Variants in CDH13 observed in about 807,000 individuals in gnomAD.
The protein encoded by CDH13 is cadherin-13.
Under a neutral mutation model 63.8 loss-of-function variants are expected in CDH13, and 24 were observed. The observed-to-expected ratio is 0.38, with a 90% CI of 0.27 to 0.53. The LOEUF (loss-of-function observed/expected upper bound fraction) is 0.53. Ranked by LOEUF, CDH13 falls within the 20% of genes least tolerant of loss-of-function variation. The pLI, the probability that CDH13 is intolerant of heterozygous loss-of-function variation, is 0.85. For missense variants in CDH13, 1,049 were observed against 903.1 expected (o/e 1.16, Z -2.07); for synonymous variants, 503 against 355.3 (o/e 1.42, Z -4.67).
intron 2 of CDH13, among the ~76,000 whole-genome samples, chr16:82,917,394 TAGAC>T (rs1006278679): frequency 7.2e-5 from 11 of 152,006 alleles, no homozygotes; most frequent in Non-Finnish European, 1.6e-4. Flanking sequence ...GATAAGTTAA[TAGAC>T]AGGGCAGAAA....
intron 10 of CDH13, chr16:83,739,840 G>A (rs903945891): frequency 1.3e-5 from 2 of 152,226 alleles, no homozygotes; most frequent in African/African-American, 2.4e-5. Flanking sequence ...CCCACTCAGT[G>A]TGTGCGGGCC....
intron 6 of CDH13, among the ~76,000 whole-genome samples, chr16:83,348,026 C>T (rs1056682061): frequency 7.2e-5 from 11 of 151,812 alleles, no homozygotes; most frequent in East Asian, 1.9e-4. Flanking sequence ...CCCATTGCTA[C>T]GAAAAAAACA....
At chr16:83,678,552 C>G in intron 10 of CDH13, 91 bp downstream of exon 10, 1 of 1,462,196 alleles carries the variant, frequency 6.8e-7, no homozygotes, top group Non-Finnish European at 9.4e-7. Context: ...GGAGCAGACA[C>G]CATTAAATTA....
chr16:82,779,401 G>A (rs563475911), intron 1 of CDH13, among the ~76,000 whole-genome samples: 1 of 152,258 alleles, frequency 6.6e-6, no homozygotes, highest in Non-Finnish European at 1.5e-5. Context: ...AGGTCCAAGC[G>A]TCCACTTAAA....
chr16:83,449,991 C>G (rs1264169008), intron 6 of CDH13, among the ~76,000 whole-genome samples: 1 of 152,198 alleles, frequency 6.6e-6, no homozygotes, highest in Non-Finnish European at 1.5e-5. Flanking sequence ...GCTAGCAGGG[C>G]AGAGGCAGAT....
intron 4 of CDH13, among the ~76,000 whole-genome samples, chr16:83,129,531 G>C (rs930679204): frequency 6.6e-6 from 1 of 152,136 alleles, no homozygotes; most frequent in African/African-American, 2.4e-5. Flanking sequence ...GTAATGTCAG[G>C]GGCTAACTTT....
At chr16:82,757,677 C>G (rs575255095) in intron 1 of CDH13, among the ~76,000 whole-genome samples, 53 of 103,938 alleles carry the variant, frequency 5.1e-4, no homozygotes, top group African/African-American at 1.4e-3. Flanking sequence ...CAGAGTCTCT[C>G]TCTGTCTCCA....
At chr16:82,996,242 A>G (rs1299517665) in intron 2 of CDH13, among the ~76,000 whole-genome samples, 1 of 152,158 alleles carries the variant, frequency 6.6e-6, no homozygotes, top group East Asian at 1.9e-4. Flanking sequence ...TCAGTTGAGA[A>G]GTAATGAAAA....
At chr16:83,246,028 C>T (rs554634582) in intron 5 of CDH13, among the ~76,000 whole-genome samples, 16 of 152,312 alleles carry the variant, frequency 1.1e-4, no homozygotes, top group Non-Finnish European at 1.6e-4. Context: ...TGAACCACTG[C>T]GCCTGGCCCA....
intron 2 of CDH13, among the ~76,000 whole-genome samples, chr16:82,961,872 A>T (rs1907067708): frequency 6.6e-6 from 1 of 152,170 alleles, no homozygotes. Context: ...GAGGTCAGTG[A>T]TGCTTTTTAA....
intron 2 of CDH13, among the ~76,000 whole-genome samples, chr16:83,020,421 G>A (rs942037841): frequency 1.3e-5 from 2 of 152,088 alleles, no homozygotes; most frequent in African/African-American, 4.8e-5. Context: ...TCCATCTCCA[G>A]GATCCCCAAA....
chr16:82,961,185 G>T (rs1030067825), intron 2 of CDH13, among the ~76,000 whole-genome samples: 1 of 152,134 alleles, frequency 6.6e-6, no homozygotes, highest in Non-Finnish European at 1.5e-5. Flanking sequence ...TCCCGACAAG[G>T]ACACTGAGGC....
intron 1 of CDH13, among the ~76,000 whole-genome samples, chr16:82,670,713 C>G (rs756110488): frequency 6.6e-6 from 1 of 152,170 alleles, no homozygotes; most frequent in African/African-American, 2.4e-5. Context: ...TAGACACATC[C>G]ATGGATTTCC....
intron 1 of CDH13, among the ~76,000 whole-genome samples, chr16:82,695,923 G>A (rs1285413017): frequency 6.6e-6 from 1 of 152,210 alleles, no homozygotes; most frequent in East Asian, 1.9e-4. Context: ...GCAGATAAAT[G>A]TCTCAAATCT....
intron 1 of CDH13, among the ~76,000 whole-genome samples, chr16:82,849,985 T>G (rs956123233): frequency 9.9e-5 from 15 of 152,228 alleles, no homozygotes; most frequent in Non-Finnish European, 5.9e-5. Context: ...TCCAAAAGTT[T>G]TAATGGAGGT....
At chr16:83,023,759 C>G (rs1440607357) in intron 2 of CDH13, among the ~76,000 whole-genome samples, 1 of 152,178 alleles carries the variant, frequency 6.6e-6, no homozygotes, top group Non-Finnish European at 1.5e-5. Flanking sequence ...AAGTCAATAA[C>G]ATGAAACACA....
intron 5 of CDH13, among the ~76,000 whole-genome samples, chr16:83,241,811 C>A (rs1904479894): frequency 6.6e-6 from 1 of 152,048 alleles, no homozygotes; most frequent in Non-Finnish European, 1.5e-5. Flanking sequence ...TGATTGTTTC[C>A]TTTGATGAGC....
At chr16:82,827,102 C>T (rs1279920137) in intron 1 of CDH13, among the ~76,000 whole-genome samples, 1 of 152,200 alleles carries the variant, frequency 6.6e-6, no homozygotes, top group Non-Finnish European at 1.5e-5. Flanking sequence ...TCAGGCAACA[C>T]AGCCTTAGCC....
At chr16:83,598,915 A>G (rs1907519760) in intron 7 of CDH13, among the ~76,000 whole-genome samples, 1 of 152,210 alleles carries the variant, frequency 6.6e-6, no homozygotes, top group Non-Finnish European at 1.5e-5. Flanking sequence ...ACTAAAGGAC[A>G]ATGTCCTGGA....
Sources: gnomAD v4.1 joint callset for allele counts (sites outside exome capture counted in the v4.1 genomes callset) on GRCh38, gnomAD v4.1.1 for gene constraint, MANE v1.5 for transcripts, NCBI Gene and HGNC (gene_info 2026-07-23, HGNC 2026-07-21) for gene names.